MSN: variants seen among roughly 807,000 people sequenced by gnomAD.
MSN encodes the protein epididymis luminal protein 70.
In MSN, 2 loss-of-function variants were observed where a neutral mutation model predicts 48.0. The observed-to-expected ratio is 0.04, with a 90% confidence interval of 0.02 to 0.13. The LOEUF (loss-of-function observed/expected upper bound fraction) is 0.13. Among genes scored for constraint, MSN ranks in the 10% least tolerant of loss-of-function variants. The pLI is 1.00. For missense variants in MSN, 267 were observed against 470.1 expected, an observed-to-expected ratio of 0.57 and a Z score of 3.99; for synonymous variants, 146 against 166.9, an observed-to-expected ratio of 0.87 and a Z score of 0.97.
rs1223064553 is a variant in MSN at position 65,667,716 on chromosome X, C to T, written c.-126C>T. The T allele has an allele frequency of 8.9e-7, 1 of 1,129,684 alleles. No individual in the cohort carries two copies. The highest frequency in any genetic ancestry group is 1.2e-6 in the Non-Finnish European group (1 of 849,180). 93.1% of individuals were successfully genotyped at this position (1,129,684 alleles called of 1,213,427 possible). On this transcript the variant is annotated 5_prime_UTR_variant, in exon 1 of 13. Transcript: ENST00000360270. ...GTTAGCAGGAAGCCTAACAGTCGCCCCGACGCTAGTGAGGGACCCAATCTG... is the reference window on the plus strand; with the variant it reads ...GTTAGCAGGAAGCCTAACAGTCGCCTCGACGCTAGTGAGGGACCCAATCTG...
At chrX:65,630,711 T>G (rs766416343) in intron 1 of MSN, among the ~76,000 whole-genome samples, 1 of 111,976 alleles carries the variant, frequency 8.9e-6, no homozygotes, top group East Asian at 2.8e-4. Context: ...CTACTTTCTA[T>G]CTCTATGGAT....
Position 65,740,695 on chromosome X carries a change from C to T in MSN, c.*802C>T, listed in dbSNP as rs2071728495. The stretch of plus-strand genomic sequence containing the variant: ...GTGAGCTCTATGGGCAGATCTACCC[C>T]TTACTTATTATTCCAGATCTGCAGT... On this transcript the variant is annotated 3_prime_UTR_variant, in exon 13 of 13. Transcript: ENST00000360270. 5.7e-6 allele frequency: 1 copy of T among 174,257 alleles called. No individual in the cohort carries two copies. Among genetic ancestry groups the T allele is most frequent in the Non-Finnish European group, 1.1e-5 (1 of 90,798 alleles). 14.4% of individuals were successfully genotyped at this position (174,257 alleles called of 1,213,427 possible).
chrX:65,697,484 G>C (rs1159148737), intron 1 of MSN, among the ~76,000 whole-genome samples: 1 of 111,696 alleles, frequency 9.0e-6, no homozygotes, highest in Non-Finnish European at 1.9e-5. Flanking sequence ...TTTCAACAAT[G>C]GGTAGGTTCA....
chrX:65,594,884 T>C (rs1442996522), intron 1 of MSN, among the ~76,000 whole-genome samples: 1 of 111,728 alleles, frequency 9.0e-6, no homozygotes, highest in East Asian at 2.8e-4. Context: ...TAATTAAACA[T>C]TATAGAATGA....
intron 1 of MSN, among the ~76,000 whole-genome samples, chrX:65,630,872 G>A (rs2070551499): frequency 3.6e-5 from 4 of 111,187 alleles, no homozygotes; most frequent in Admixed American, 2.9e-4. Flanking sequence ...TTAATTTTGA[G>A]ATAATAGTAG....
In MSN at chrX:65,695,240, C is replaced by T. The variant is rs999616596; in HGVS notation, c.13-21578C>T. ...GTCGGGCCGGGCGTGTTGGCTCACG[C>T]CTGTAATCCCAGCACTTTGGGAGGC... On this transcript the variant is annotated intron_variant, in intron 1 of 12. Transcript: ENST00000360270. Among the ~76,000 whole-genome samples the T allele has an allele frequency of 3.6e-5, 4 of 110,497 alleles. No individual in the cohort carries two copies. In the East Asian group the frequency reaches 1.1e-3, roughly 31 times the overall value.
At chrX:65,694,766 G>A (rs2071214587) in intron 1 of MSN, among the ~76,000 whole-genome samples, 1 of 112,140 alleles carries the variant, frequency 8.9e-6, no homozygotes, top group Admixed American at 9.5e-5. Context: ...GAGAATCCAT[G>A]TGGGTGTATC....
At chrX:65,636,616 G>A (rs1482927518) in intron 1 of MSN, among the ~76,000 whole-genome samples, 1 of 107,640 alleles carries the variant, frequency 9.3e-6, no homozygotes, top group African/African-American at 3.4e-5. Context: ...GCATGGTGGC[G>A]GGCACCTGTA....
At chrX:65,736,277 G>C (rs2071674590) in intron 8 of MSN, among the ~76,000 whole-genome samples, 1 of 110,910 alleles carries the variant, frequency 9.0e-6, no homozygotes, top group South Asian at 3.8e-4. Flanking sequence ...TGACTCAGGG[G>C]TACATTGACA....
chrX:65,627,414 C>T (rs756568671), intron 1 of MSN, among the ~76,000 whole-genome samples: 30 of 110,041 alleles, frequency 2.7e-4, no homozygotes, highest in Admixed American at 3.9e-4. Flanking sequence ...AGAATCATGG[C>T]AGGAGACGAA....
chrX:65,607,561 T>A (rs1330324602), intron 1 of MSN, among the ~76,000 whole-genome samples: 1 of 111,545 alleles, frequency 9.0e-6, no homozygotes, highest in Non-Finnish European at 1.9e-5. Context: ...GTATTCATGA[T>A]ATCATAGAAT....
intron 1 of MSN, among the ~76,000 whole-genome samples, chrX:65,659,634 G>A (rs768764058): frequency 5.7e-4 from 63 of 111,419 alleles, no homozygotes; most frequent in African/African-American, 2.0e-3. Flanking sequence ...CACTGACTCA[G>A]ATGCCCCCGG....
intron 1 of MSN, among the ~76,000 whole-genome samples, chrX:65,650,255 T>C (rs1406203627): frequency 9.1e-6 from 1 of 109,931 alleles, no homozygotes; most frequent in Non-Finnish European, 1.9e-5. Context: ...TCCCAGCTAA[T>C]TTTTGTATTT....
chrX:65,636,909 G>A (rs2070607383), intron 1 of MSN, among the ~76,000 whole-genome samples: 1 of 91,386 alleles, frequency 1.1e-5, no homozygotes, highest in African/African-American at 4.1e-5. Context: ...GTGAAACCCC[G>A]TCTCTACTAA....
intron 1 of MSN, among the ~76,000 whole-genome samples, chrX:65,673,660 T>G (rs1422870640): frequency 9.0e-6 from 1 of 111,710 alleles, no homozygotes; most frequent in Non-Finnish European, 1.9e-5. Context: ...CATTTGCATC[T>G]AGGGCAACCC....
In MSN at chrX:65,616,249, A is replaced by G. The variant is rs1257910649; in HGVS notation, c.-22+27637A>G. On this transcript the variant is annotated intron_variant, in intron 1 of 3. Transcript: ENST00000609672. ...TTTTTCCAATTCTGTGAAGAAAGTC[A>G]TTGGTAGCTTGATGGGGATGGCATT... Among the ~76,000 whole-genome samples, 9 of 106,889 alleles carry G rather than the reference A, an allele frequency of 8.4e-5. No individual in the cohort carries two copies. In the East Asian group the frequency reaches 2.1e-3, roughly 25 times the overall value. The allele number at this position is 106,889 out of a possible 115,157, so 92.8% of individuals were successfully genotyped here.
chrX:65,672,704 T>C (rs1035231834), intron 1 of MSN, among the ~76,000 whole-genome samples: 1 of 111,573 alleles, frequency 9.0e-6, no homozygotes, highest in Non-Finnish European at 1.9e-5. Flanking sequence ...AGTGGGACTT[T>C]AGGCAAGTCC....
intron 1 of MSN, among the ~76,000 whole-genome samples, chrX:65,591,075 C>T (rs967597269): frequency 9.0e-6 from 1 of 111,446 alleles, no homozygotes; most frequent in Non-Finnish European, 1.9e-5. Context: ...TGGGGCCATT[C>T]ATTCTCTCTA....
chrX:65,711,346 C>T (rs895111739), intron 1 of MSN, among the ~76,000 whole-genome samples: 5 of 111,053 alleles, frequency 4.5e-5, no homozygotes, highest in Non-Finnish European at 9.4e-5. Context: ...AGGCGTGAGC[C>T]ACCGCGCCTG....
Sources: allele counts gnomAD v4.1 joint callset (sites outside exome capture counted in the v4.1 genomes callset), GRCh38; gene constraint gnomAD v4.1.1; transcripts MANE v1.5; gene names NCBI Gene and HGNC (gene_info 2026-07-23, HGNC 2026-07-21).